RNF220: variants seen among roughly 807,000 people sequenced by gnomAD.
The protein encoded by RNF220 is E3 ubiquitin-protein ligase RNF220.
In RNF220, 7 loss-of-function variants were observed where a neutral mutation model predicts 67.1. The observed-to-expected ratio is 0.10, with a 90% CI of 0.06 to 0.20. The LOEUF is 0.20. Among genes scored for constraint, RNF220 ranks in the 10% least tolerant of loss-of-function variants. The pLI, the probability that RNF220 is intolerant of heterozygous loss-of-function variation, is 1.00. For synonymous variants in RNF220, 270 were observed against 283.2 expected (o/e 0.95, Z 0.47); for missense variants, 565 against 740.3 (o/e 0.76, Z 2.75).
intron 2 of RNF220, among the ~76,000 whole-genome samples, chr1:44,418,452 C>T (rs1273787041): frequency 6.6e-6 from 1 of 152,176 alleles, no homozygotes; most frequent in Non-Finnish European, 1.5e-5. Flanking sequence ...TCCAGGGCTC[C>T]GTCCTTCGGC....
chr1:44,442,054 C>T (rs1396840272), intron 2 of RNF220, among the ~76,000 whole-genome samples: 4 of 152,218 alleles, frequency 2.6e-5, no homozygotes, highest in African/African-American at 4.8e-5. Context: ...TTAACCTTGA[C>T]CTTGTCCTCT....
intron 2 of RNF220, among the ~76,000 whole-genome samples, chr1:44,555,431 T>C (rs1194976195): frequency 2.0e-5 from 3 of 152,094 alleles, no homozygotes; most frequent in Non-Finnish European, 4.4e-5. Context: ...CCTCTATGCA[T>C]ACCCTAAATT....
intron 2 of RNF220, chr1:44,423,867 G>A: frequency 2.0e-6 from 2 of 985,414 alleles, no homozygotes; most frequent in African/African-American, 1.7e-5. Context: ...AGTGCCAAGA[G>A]TATTGAAGAA....
intron 2 of RNF220, among the ~76,000 whole-genome samples, chr1:44,513,807 C>A (rs184525090): frequency 1.3e-5 from 2 of 152,128 alleles, no homozygotes; most frequent in African/African-American, 2.4e-5. Flanking sequence ...TGTCTGTGTG[C>A]GTGTGTGCAC....
Position 44,651,300 on chromosome 1 carries a change from A to G in RNF220, c.*525A>G. 5.7e-6 allele frequency: 1 copy of G among 174,602 alleles called. No individual in the cohort carries two copies. Among genetic ancestry groups the G allele is most frequent in the Non-Finnish European group, 1.3e-5 (1 of 79,768 alleles). The allele number at this position is 174,602 out of a possible 1,614,324, so 10.8% of individuals were successfully genotyped here. ...GGTTGGCTGGGAGCTCGGCCCATCCACCTCTTGGGGTACCTGCCTCTCTCT... is the reference window on the plus strand; with the variant it reads ...GGTTGGCTGGGAGCTCGGCCCATCCGCCTCTTGGGGTACCTGCCTCTCTCT... On this transcript the variant is annotated 3_prime_UTR_variant, in exon 15 of 15. Coordinates refer to ENST00000361799, the MANE Select transcript of RNF220 (RefSeq NM_018150.4).
chr1:44,639,473 T>G (rs1644426213), intron 8 of RNF220, among the ~76,000 whole-genome samples: 1 of 152,200 alleles, frequency 6.6e-6, no homozygotes, highest in African/African-American at 2.4e-5. Context: ...TGGAGAAATT[T>G]CCCAGGAAGC....
At chr1:44,608,318 C>T (rs1342687663) in intron 2 of RNF220, among the ~76,000 whole-genome samples, 2 of 152,196 alleles carry the variant, frequency 1.3e-5, no homozygotes, top group South Asian at 2.1e-4. Context: ...GCAGAGAGTG[C>T]GCCTGTCTTC....
At chr1:44,448,336 T>G (rs1463211536) in intron 2 of RNF220, among the ~76,000 whole-genome samples, 1 of 152,142 alleles carries the variant, frequency 6.6e-6, no homozygotes, top group African/African-American at 2.4e-5. Flanking sequence ...TATACTTCAG[T>G]TTTTTTCAGA....
chr1:44,411,605 A>G (rs1171768014), intron 1 of RNF220, among the ~76,000 whole-genome samples: 2 of 152,200 alleles, frequency 1.3e-5, no homozygotes, highest in Admixed American at 6.5e-5. Flanking sequence ...TGAGTGGTGG[A>G]TGCAGGTGGA....
chr1:44,450,250 C>T (rs921745690), intron 2 of RNF220, among the ~76,000 whole-genome samples: 13 of 151,996 alleles, frequency 8.6e-5, no homozygotes, highest in Admixed American at 8.5e-4. Flanking sequence ...GTCCTCTTTT[C>T]AAAACCAGTG....
intron 2 of RNF220, among the ~76,000 whole-genome samples, chr1:44,450,184 T>C (rs1652524563): frequency 6.6e-6 from 1 of 151,956 alleles, no homozygotes; most frequent in South Asian, 2.1e-4. Context: ...ACTTCCAGCC[T>C]GGGCAACAAG....
At chr1:44,519,249 G>A (rs12728804) in intron 2 of RNF220, among the ~76,000 whole-genome samples, 15,358 of 152,188 alleles carry the variant, frequency 0.1, 827 homozygotes, top group Middle Eastern at 0.14. Flanking sequence ...TATTTATTTA[G>A]TCATTAATCA....
intron 2 of RNF220, among the ~76,000 whole-genome samples, chr1:44,568,823 T>C (rs1303915932): frequency 2.6e-5 from 4 of 152,206 alleles, no homozygotes; most frequent in African/African-American, 9.7e-5. Flanking sequence ...CTTTCATTTA[T>C]GGGATGGGAT....
chr1:44,498,151 C>T (rs1000752709), intron 2 of RNF220, among the ~76,000 whole-genome samples: 62 of 152,144 alleles, frequency 4.1e-4, no homozygotes, highest in African/African-American at 1.5e-3. Flanking sequence ...GCGAAGGTCC[C>T]TATTTCTTTC....
At chr1:44,637,223 G>A (rs994797729) in intron 8 of RNF220, among the ~76,000 whole-genome samples, 15 of 152,230 alleles carry the variant, frequency 9.9e-5, no homozygotes, top group East Asian at 1.9e-4. Context: ...CTGGTTCCAC[G>A]AAGGGGCTAA....
chr1:44,574,420 A>G (rs1664661655), intron 2 of RNF220, among the ~76,000 whole-genome samples: 1 of 152,174 alleles, frequency 6.6e-6, no homozygotes, highest in African/African-American at 2.4e-5. Context: ...TGCTTCCTGC[A>G]ACTCATGAGT....
At chr1:44,529,522 G>A (rs1343677550) in intron 2 of RNF220, among the ~76,000 whole-genome samples, 1 of 152,036 alleles carries the variant, frequency 6.6e-6, no homozygotes, top group African/African-American at 2.4e-5. Flanking sequence ...CTACAGGCAA[G>A]TGCCACCACA....
Position 44,412,684 on chromosome 1 carries a change from G to C in RNF220, c.587G>C (p.Arg196Pro). The change falls in exon 2 of 15, where the codon CGG becomes CCG. Residue 196 changes from arginine to proline, a missense_variant. Physicochemically the swap from Arg to Pro is moderately radical, Grantham distance 103 (BLOSUM62 -2). Coordinates refer to ENST00000361799, the MANE Select transcript of RNF220 (RefSeq NM_018150.4). The surrounding 1 kb of genome is among the most constrained non-coding windows in gnomAD (Gnocchi z 5.3). ...GCTGTCTCTGGCCTCATTTCTGATC[G>C]GGAAGCCTCATCTAGCCCAGAGGAT... ...IFAVSGLISD[R>P]EASSSPEDRN... The C allele has an allele frequency of 6.2e-7, 1 of 1,614,070 alleles. No homozygotes were observed. Among genetic ancestry groups the C allele is most frequent in the Non-Finnish European group, 8.5e-7 (1 of 1,180,012 alleles).
rs781068993 is a variant in RNF220 at position 44,412,188 on chromosome 1, A to G, written c.91A>G (p.Thr31Ala). 6.2e-7 allele frequency: 1 copy of G among 1,614,128 alleles called. No homozygotes were observed. Among genetic ancestry groups the G allele is most frequent in the South Asian group, 1.1e-5 (1 of 91,076 alleles). The change falls in exon 2 of 15, where the codon ACG becomes GCG. Residue 31 changes from threonine to alanine, a missense_variant. Transcript: ENST00000361799. This position sits in a 1 kb window ranked among gnomAD's most constrained non-coding sequence, Gnocchi z 5.3. ...ASPALMVLAS[T>A]AEASRDASIP... ...CCCAGCACTGATGGTCCTGGCATCC[A>G]CGGCTGAGGCCAGCCGTGATGCTTC...
Sources: allele counts gnomAD v4.1 joint callset (sites outside exome capture counted in the v4.1 genomes callset), GRCh38; gene constraint gnomAD v4.1.1; non-coding constraint Gnocchi (gnomAD v3.1); transcripts MANE v1.5; gene names NCBI Gene and HGNC (gene_info 2026-07-23, HGNC 2026-07-21).